Variants in IDO2 observed in about 807,000 individuals in gnomAD.
IDO2 encodes indoleamine 2,3-dioxygenase-like 1 protein.
Under a neutral mutation model 45.1 loss-of-function variants are expected in IDO2, and 46 were observed. The observed-to-expected ratio is 1.02, with a 90% CI of 0.80 to 1.30. The LOEUF is 1.30. Among genes scored for constraint, IDO2 ranks in the 50% most tolerant of loss-of-function variants. The probability of loss-of-function intolerance (pLI) is 0.00; values close to 1 mark genes in which losing one functional copy is unlikely to be tolerated. For synonymous variants in IDO2, 218 were observed against 184.9 expected (o/e 1.18, Z -1.45); for missense variants, 544 against 491.8 (o/e 1.11, Z -1.00).
chr8:39,957,209 A>T (rs1037894125), intron 2 of IDO2, among the ~76,000 whole-genome samples: 3 of 152,074 alleles, frequency 2.0e-5, no homozygotes, highest in African/African-American at 7.2e-5. Context: ...ACCCCACTTC[A>T]ATCCACCTTC....
intron 2 of IDO2, among the ~76,000 whole-genome samples, chr8:39,954,784 T>G (rs1044299697): frequency 6.6e-6 from 1 of 150,384 alleles, no homozygotes; most frequent in African/African-American, 2.4e-5. Flanking sequence ...GTCTCCTGAA[T>G]AGCTGGTATT....
At chr8:39,968,951 G>A (rs1808140276) in intron 3 of IDO2, among the ~76,000 whole-genome samples, 1 of 151,420 alleles carries the variant, frequency 6.6e-6, no homozygotes, top group African/African-American at 2.4e-5. Context: ...TAACTTCGAT[G>A]AAGAGAGTGG....
intron 8 of IDO2, among the ~76,000 whole-genome samples, chr8:39,991,652 G>A (rs1238450533): frequency 6.9e-6 from 1 of 145,888 alleles, no homozygotes; most frequent in East Asian, 2.1e-4. Context: ...CTCACTGCAA[G>A]CTCTGCCTCC....
chr8:39,960,638 CATAG>C (rs1292009890), intron 2 of IDO2, among the ~76,000 whole-genome samples: 1 of 152,220 alleles, frequency 6.6e-6, no homozygotes, highest in African/African-American at 2.4e-5. Flanking sequence ...ATTAAATGTA[CATAG>C]ATAAACTAAT....
chr8:39,937,741 A>C (rs1807579520), intron 1 of IDO2, among the ~76,000 whole-genome samples: 1 of 152,076 alleles, frequency 6.6e-6, no homozygotes, highest in South Asian at 2.1e-4. Context: ...GGCTGGTCCC[A>C]AACTCCTGGC....
intron 7 of IDO2, 145 bp from the exon 8 acceptor site, chr8:39,989,576 C>T (rs1808471131): frequency 3.4e-6 from 2 of 584,188 alleles, no homozygotes; most frequent in Non-Finnish European, 3.0e-6. Context: ...AGGCCAACCC[C>T]ACAGTGGATC....
At chr8:39,947,150 C>CTAGG (rs1483708278) in intron 1 of IDO2, among the ~76,000 whole-genome samples, 4 of 115,730 alleles carry the variant, frequency 3.5e-5, no homozygotes, top group Non-Finnish European at 6.6e-5. Context: ...GGGCAAAACT[C>CTAGG]TAGGACTAGA....
At chr8:39,950,742 T>A (rs1251305311) in intron 2 of IDO2, among the ~76,000 whole-genome samples, 8 of 152,188 alleles carry the variant, frequency 5.3e-5, no homozygotes, top group Non-Finnish European at 1.2e-4. Flanking sequence ...AGTTTAAAAC[T>A]TTTTTAATTG....
At chr8:39,949,687 T>G (rs1204317807) in intron 2 of IDO2, among the ~76,000 whole-genome samples, 1 of 152,232 alleles carries the variant, frequency 6.6e-6, no homozygotes, top group Admixed American at 6.5e-5. Flanking sequence ...AAAGATTTTC[T>G]CCTTTGCATG....
intron 2 of IDO2, among the ~76,000 whole-genome samples, chr8:39,962,382 T>A (rs989616698): frequency 6.6e-6 from 1 of 152,220 alleles, no homozygotes; most frequent in African/African-American, 2.4e-5. Context: ...ACTTTATATC[T>A]TAAAGTCCTA....
chr8:39,993,228 T>G (rs1343093784), intron 8 of IDO2, among the ~76,000 whole-genome samples: 1 of 150,868 alleles, frequency 6.6e-6, no homozygotes, highest in Non-Finnish European at 1.5e-5. Context: ...AGACATGTGT[T>G]TTTTTTTTTC....
At chr8:39,986,865 C>CATCATTATT (rs113443352) in intron 6 of IDO2, 4 of 144,088 alleles carry the variant, frequency 2.8e-5, no homozygotes, top group Non-Finnish European at 4.5e-5. Context: ...CACAATATCT[C>CATCATTATT]ATTATTATTA....
chr8:40,010,365 A>G (rs543931495), intron 9 of IDO2, among the ~76,000 whole-genome samples: 12 of 152,324 alleles, frequency 7.9e-5, no homozygotes, highest in African/African-American at 2.9e-4. Flanking sequence ...AGAATAAGAA[A>G]GAGTGAGGTG....
intron 3 of IDO2, among the ~76,000 whole-genome samples, chr8:39,972,917 G>T (rs577450152): frequency 6.6e-6 from 1 of 152,128 alleles, no homozygotes; most frequent in Non-Finnish European, 1.5e-5. Flanking sequence ...AATGTACATT[G>T]TTTTTCTAGA....
At position 39,938,638 on chromosome 8, in the gene IDO2, A is replaced by G. The variant is rs1807593486; in HGVS notation, c.-18+3420A>G. On this transcript the variant is annotated intron_variant, in intron 1 of 10. Transcript: ENST00000502986. ...GTGATCTGTGAAAGGCATCGTCAAG[A>G]GAACAAAAAGACAAGCCACAGACTG... 2.6e-5 allele frequency among the ~76,000 whole-genome samples: 4 copies of G among 152,300 alleles called. No homozygotes were observed. In the South Asian group the frequency reaches 8.3e-4, roughly 32 times the overall value.
intron 3 of IDO2, among the ~76,000 whole-genome samples, chr8:39,964,062 G>A (rs562695343): frequency 5.3e-5 from 8 of 152,254 alleles, no homozygotes; most frequent in Admixed American, 5.2e-4. Flanking sequence ...ACGTACTCAA[G>A]GCTCTGTTGT....
At chr8:39,994,476 C>T (rs2729479) in intron 8 of IDO2, among the ~76,000 whole-genome samples, 85,361 of 151,810 alleles carry the variant, frequency 0.56, 24,150 homozygotes, top group South Asian at 0.59. Flanking sequence ...AGGCTGGTCT[C>T]GAACTCCTGA....
At chr8:39,968,776 T>C (rs2129594020) in intron 3 of IDO2, among the ~76,000 whole-genome samples, 1 of 151,886 alleles carries the variant, frequency 6.6e-6, no homozygotes, top group Admixed American at 6.6e-5. Flanking sequence ...GCTTAAAACC[T>C]AGATGATGGG....
intron 8 of IDO2, among the ~76,000 whole-genome samples, chr8:39,992,313 G>T (rs1801950602): frequency 6.6e-6 from 1 of 152,202 alleles, no homozygotes; most frequent in Non-Finnish European, 1.5e-5. Flanking sequence ...ACTCTGCTGT[G>T]CAAACGACAC....
Sources: gnomAD v4.1 joint callset for allele counts (sites outside exome capture counted in the v4.1 genomes callset) on GRCh38, gnomAD v4.1.1 for gene constraint, MANE v1.5 for transcripts, NCBI Gene and HGNC (gene_info 2026-07-23, HGNC 2026-07-21) for gene names.